PPIC: variants seen among roughly 807,000 people sequenced by gnomAD.
The protein encoded by PPIC is peptidylprolyl isomerase C, also known as peptidyl-prolyl cis-trans isomerase C.
In PPIC, 19 loss-of-function variants were observed where a neutral mutation model predicts 19.5. That is an observed-to-expected ratio of 0.98 (90% CI 0.68 to 1.43). The LOEUF (loss-of-function observed/expected upper bound fraction) is 1.43, where lower values mean the gene tolerates loss of function less well. Ranked by LOEUF, PPIC falls within the 40% of genes most tolerant of loss-of-function variation. The pLI is 0.00. For missense variants in PPIC, 268 were observed against 268.6 expected, an observed-to-expected ratio of 1.00 and a Z score of 0.02; for synonymous variants, 107 against 101.2, an observed-to-expected ratio of 1.06 and a Z score of -0.34.
In PPIC at chr5:123,029,362, G is replaced by T; in HGVS notation, c.174C>A (p.Leu58=). Residue 58 remains leucine (L), a synonymous_variant, in exon 2 of 5, where the codon CTC becomes CTA. Coordinates refer to ENST00000306442, the MANE Select transcript of PPIC (RefSeq NM_000943.5). ...CTGTCTTGGGCACAACTTTTCCAAA[G>T]AGGCCAATCACAATTCTGCCAACAT... The part of the protein sequence containing the change: ...DKDVGRIVIG[L]FGKVVPKTVE... 6.2e-7 allele frequency: 1 copy of T among 1,611,874 alleles called. No homozygotes were observed.
At chr5:123,034,906 A>T (rs1762984941) in intron 1 of PPIC, among the ~76,000 whole-genome samples, 1 of 152,176 alleles carries the variant, frequency 6.6e-6, no homozygotes, top group Non-Finnish European at 1.5e-5. Flanking sequence ...CCACTGAGTG[A>T]CCACATAAAT....
chr5:123,024,821 T>C (rs1216390178), intron 4 of PPIC, among the ~76,000 whole-genome samples: 2 of 151,990 alleles, frequency 1.3e-5, no homozygotes, highest in Non-Finnish European at 2.9e-5. Context: ...AAATGAAACA[T>C]GGAAGAGGGA....
At chr5:123,026,490 C>T (rs1016950655) in intron 3 of PPIC, among the ~76,000 whole-genome samples, 6 of 152,192 alleles carry the variant, frequency 3.9e-5, no homozygotes, top group Non-Finnish European at 8.8e-5. Flanking sequence ...AGGTATTCTC[C>T]GTCCTATTTT....
chr5:123,035,102 T>G (rs1291359856), intron 1 of PPIC, among the ~76,000 whole-genome samples: 1 of 152,138 alleles, frequency 6.6e-6, no homozygotes, highest in African/African-American at 2.4e-5. Context: ...CACCTCTCAT[T>G]CTGTGCTGAA....
chr5:123,036,477 A>G lies in PPIC; in HGVS notation c.117+32T>C. 6.4e-7 allele frequency: 1 copy of G among 1,568,452 alleles called. No individual in the cohort carries two copies. ...GCGCCCCCAGGGCCCCGCCCGCAAC[A>G]GGGGAAGTTGCAGCCCGCCGCTCTC... On this transcript the variant is annotated intron_variant, in intron 1 of 4. Coordinates refer to ENST00000306442, the MANE Select transcript of PPIC (RefSeq NM_000943.5). This position sits in a 1 kb window ranked among gnomAD's most constrained non-coding sequence, Gnocchi z 4.5.
chr5:123,025,267 C>T (rs1182769864), intron 4 of PPIC, among the ~76,000 whole-genome samples: 1 of 152,158 alleles, frequency 6.6e-6, no homozygotes, highest in Admixed American at 6.5e-5. Flanking sequence ...TTTCATCTTG[C>T]AAAACTAAAA....
intron 4 of PPIC, among the ~76,000 whole-genome samples, chr5:123,024,216 A>T (rs1454143706): frequency 6.6e-6 from 1 of 152,134 alleles, no homozygotes; most frequent in South Asian, 2.1e-4. Context: ...AATAAAATTC[A>T]CCCATGACCT....
chr5:123,027,857 G>A (rs1209982941), intron 3 of PPIC, among the ~76,000 whole-genome samples: 5 of 152,122 alleles, frequency 3.3e-5, no homozygotes, highest in Non-Finnish European at 7.4e-5. Context: ...GTATGTTCAA[G>A]AAAAGAACTA....
Position 123,023,995 on chromosome 5 carries a change from C to T in PPIC, c.519G>A (p.Val173=), listed in dbSNP as rs748585341. 14 of 1,611,284 alleles carry T rather than the reference C, an allele frequency of 8.7e-6. No individual in the cohort carries two copies. Among genetic ancestry groups the T allele is most frequent in the South Asian group, 7.7e-5 (7 of 90,626 alleles). Residue 173 remains valine (V), a synonymous_variant, in exon 5 of 5, where the codon GTG becomes GTA. Transcript: ENST00000306442. ...CAGTTGCTTGGAGCTCTATGGAGTG[C>T]ACCACTGTCTGGTGAGAGAAAAGTA... ...FGKVIDGMTV[V]HSIELQATDG...
Position 123,023,615 on chromosome 5 carries a change from G to A in PPIC, c.*260C>T. On this transcript the variant is annotated 3_prime_UTR_variant, in exon 5 of 5. Transcript: ENST00000306442. Reference sequence around the variant, plus strand: ...GCATTAAAAAAATAGCCAATTCAAAGTTTTTTTTAGTTTTAAAATAGCACC... The same window carrying A: ...GCATTAAAAAAATAGCCAATTCAAAATTTTTTTTAGTTTTAAAATAGCACC... 3.3e-6 allele frequency: 1 copy of A among 300,426 alleles called. No individual in the cohort carries two copies. The allele number at this position is 300,426 out of a possible 1,614,324, so 18.6% of individuals were successfully genotyped here. A position where few individuals can be genotyped will look rare whatever the true frequency, so the allele number is the denominator to read the frequency against.
rs375762834 is a variant in PPIC at position 123,028,797 on chromosome 5, G to A, written c.303C>T (p.Ile101=). 2 of 1,613,500 alleles carry A rather than the reference G, an allele frequency of 1.2e-6. No individual in the cohort carries two copies. Among genetic ancestry groups the A allele is most frequent in the Non-Finnish European group, 1.7e-6 (2 of 1,179,442 alleles). ...IKDFMIQGGD[I]TTGDGTGGVS... The stretch of plus-strand genomic sequence containing the variant: ...TACCCCCAGTGCCATCTCCAGTGGT[G>A]ATGTCACCTCCTTGAATCATGAAAT... Residue 101 remains isoleucine, a synonymous_variant, in exon 3 of 5, where the codon ATC becomes ATT. Transcript: ENST00000306442.
At chr5:123,032,052 C>A (rs947836418) in intron 1 of PPIC, among the ~76,000 whole-genome samples, 2 of 152,186 alleles carry the variant, frequency 1.3e-5, no homozygotes, top group Non-Finnish European at 2.9e-5. Flanking sequence ...CCATCTTGGC[C>A]TCCCAAAGTG....
At chr5:123,033,862 G>A (rs141146555) in intron 1 of PPIC, among the ~76,000 whole-genome samples, 104 of 152,348 alleles carry the variant, frequency 6.8e-4, no homozygotes, top group African/African-American at 2.4e-3. Context: ...ATACACTCCC[G>A]ATGCCGGATC....
intron 1 of PPIC, among the ~76,000 whole-genome samples, chr5:123,034,085 A>T (rs1734772576): frequency 6.6e-6 from 1 of 152,222 alleles, no homozygotes; most frequent in African/African-American, 2.4e-5. Flanking sequence ...TTATTTACAG[A>T]TTCCTATTTT....
chr5:123,033,246 G>T (rs559174195), intron 1 of PPIC, among the ~76,000 whole-genome samples: 4 of 152,330 alleles, frequency 2.6e-5, no homozygotes, highest in African/African-American at 4.8e-5. Context: ...TGAAATCAGG[G>T]ACTATGGACT....
rs1176608534 is a variant in PPIC, at chr5:123,023,615, GT to G, written c.*259del. 3.3e-5 allele frequency: 10 copies of G among 300,254 alleles called. No homozygotes were observed. Among genetic ancestry groups the G allele is most frequent in the East Asian group, 2.2e-4 (3 of 13,696 alleles). 18.6% of individuals were successfully genotyped at this position (300,254 alleles called of 1,614,324 possible). A position where few individuals can be genotyped will look rare whatever the true frequency, so the allele number is the denominator to read the frequency against. ...GCATTAAAAAAATAGCCAATTCAAA[GT>G]TTTTTTTAGTTTTAAAATAGCACCA... On this transcript the variant is annotated 3_prime_UTR_variant, in exon 5 of 5. Coordinates refer to ENST00000306442, the MANE Select transcript of PPIC (RefSeq NM_000943.5).
intron 2 of PPIC, 140 bp from the exon 3 acceptor site, chr5:123,029,008 TGA>T: frequency 1.2e-6 from 1 of 862,782 alleles, no homozygotes; most frequent in Non-Finnish European, 1.7e-6. Flanking sequence ...TATGGTTTAC[TGA>T]GAGAAATTTA....
chr5:123,035,894 G>C (rs1040004883), intron 1 of PPIC, among the ~76,000 whole-genome samples: 1 of 151,914 alleles, frequency 6.6e-6, no homozygotes, highest in African/African-American at 2.4e-5. Flanking sequence ...CCGGCCTCGC[G>C]TAGCCCACAG....
intron 1 of PPIC, among the ~76,000 whole-genome samples, chr5:123,030,324 T>C (rs1357584376): frequency 1.3e-5 from 2 of 152,250 alleles, no homozygotes; most frequent in Admixed American, 1.3e-4. Flanking sequence ...TTAAGATGAT[T>C]CTGAAATAGA....
Sources: gnomAD v4.1 joint callset for allele counts (sites outside exome capture counted in the v4.1 genomes callset) on GRCh38, gnomAD v4.1.1 for gene constraint, Gnocchi (gnomAD v3.1) non-coding constraint, MANE v1.5 for transcripts, NCBI Gene and HGNC (gene_info 2026-07-23, HGNC 2026-07-21) for gene names.